Variants in B3GALNT2 observed in about 807,000 individuals in gnomAD.
B3GALNT2 encodes the protein beta-1,3-N-acetylgalactosaminyltransferase 2, also known as UDP-GalNAc:beta-1,3-N-acetylgalactosaminyltransferase 2.
B3GALNT2 carries 53 observed loss-of-function variants against 61.1 expected under a neutral mutation model. That is an observed-to-expected ratio of 0.87 (90% CI 0.70 to 1.09). The LOEUF (loss-of-function observed/expected upper bound fraction) is 1.09, where lower values mean the gene tolerates loss of function less well. Ranked by LOEUF, B3GALNT2 falls within the 50% of genes least tolerant of loss-of-function variation. The probability of loss-of-function intolerance (pLI) is 0.00; values close to 1 mark genes in which losing one functional copy is unlikely to be tolerated. For missense variants in B3GALNT2, 544 were observed against 623.0 expected, an observed-to-expected ratio of 0.87 and a Z score of 1.35; for synonymous variants, 223 against 237.4, an observed-to-expected ratio of 0.94 and a Z score of 0.56.
At chr1:235,489,376 G>C in intron 2 of B3GALNT2, 108 bp from the exon 3 acceptor site, 2 of 1,485,118 alleles carry the variant, frequency 1.3e-6, no homozygotes, top group Non-Finnish European at 1.8e-6. Context: ...GTGTTTATGA[G>C]GATTAATTCT....
chr1:235,494,723 G>C lies in B3GALNT2; in HGVS notation c.218C>G (p.Thr73Ser), dbSNP rs372008334. The C allele has an allele frequency of 1.2e-6, 2 of 1,613,194 alleles. No homozygotes were observed. The highest frequency in any genetic ancestry group is 1.7e-5 in the Admixed American group (1 of 59,996). ...NHELRNVIRS[T>S]WMRHLLQHPT... ...ATGCTGTAGCAAATGTCTCATCCAG[G>C]TGCTTCTTATCACGTTTCGAAGTTC... Residue 73 changes from threonine (T) to serine (S), a missense_variant, in exon 2 of 12, where the codon ACC (threonine) becomes AGC (serine). Transcript: ENST00000366600.
intron 1 of B3GALNT2, among the ~76,000 whole-genome samples, chr1:235,497,083 C>A (rs931877530): frequency 1.3e-5 from 2 of 152,132 alleles, no homozygotes; most frequent in East Asian, 3.9e-4. Flanking sequence ...GGTAACACAT[C>A]AATTTTTTTT....
At chr1:235,471,722 G>A (rs1684016609) in intron 5 of B3GALNT2, among the ~76,000 whole-genome samples, 2 of 152,172 alleles carry the variant, frequency 1.3e-5, no homozygotes, top group African/African-American at 4.8e-5. Flanking sequence ...GAGTGCAATG[G>A]TGCGATCATG....
downstream of B3GALNT2, among the ~76,000 whole-genome samples, chr1:235,444,619 G>A (rs1682121077): frequency 1.3e-5 from 2 of 152,128 alleles, no homozygotes; most frequent in African/African-American, 2.4e-5. Context: ...TGCTAAGGCT[G>A]GCCTCAAACT....
downstream of B3GALNT2, among the ~76,000 whole-genome samples, chr1:235,443,282 G>A (rs1024258403): frequency 6.6e-6 from 1 of 152,000 alleles, no homozygotes; most frequent in Admixed American, 6.6e-5. Flanking sequence ...GCTCACGGCA[G>A]CCTCTGCTTC....
At chr1:235,477,299 CCACA>C (rs1433954953) in intron 5 of B3GALNT2, among the ~76,000 whole-genome samples, 2 of 152,146 alleles carry the variant, frequency 1.3e-5, no homozygotes, top group Non-Finnish European at 2.9e-5. Flanking sequence ...TGCTCTCTCT[CCACA>C]CACACTTTTC....
At position 235,479,844 on chromosome 1, in the gene B3GALNT2, T is replaced by C. The variant is rs560063473; in HGVS notation, c.651+210A>G. 3.5e-5 allele frequency: 21 copies of C among 594,200 alleles called. No homozygotes were observed. The East Asian group carries it at 7.0e-4, about 20-fold the overall frequency. The allele number at this position is 594,200 out of a possible 1,614,324, so 36.8% of individuals were successfully genotyped here. A position where few individuals can be genotyped will look rare whatever the true frequency, so the allele number is the denominator to read the frequency against. On this transcript the variant is annotated intron_variant, in intron 5 of 11. Coordinates refer to ENST00000366600, the MANE Select transcript of B3GALNT2 (RefSeq NM_152490.5). ...GAAACATGCAATGTTTTTCAAAAAG[T>C]GGTTTTGGAACCTCTGAGGCCTCAT... is the stretch of plus-strand genomic sequence containing the variant.
At chr1:235,459,453 TC>T (rs1683315620) in intron 7 of B3GALNT2, among the ~76,000 whole-genome samples, 1 of 152,024 alleles carries the variant, frequency 6.6e-6, no homozygotes, top group Non-Finnish European at 1.5e-5. Context: ...GGAGACCCCA[TC>T]TCTAAATAAA....
At chr1:235,446,830 G>A (rs751746640), downstream of B3GALNT2, among the ~76,000 whole-genome samples, 74 of 151,840 alleles carry the variant, frequency 4.9e-4, no homozygotes, top group Admixed American at 6.6e-4. Flanking sequence ...GACTAGAGGC[G>A]TACATCGCTA....
At position 235,504,375 on chromosome 1, in the gene B3GALNT2, CT is replaced by C. The variant is rs1199956938; in HGVS notation, c.-124del. On this transcript the variant is annotated 5_prime_UTR_variant, in exon 1 of 12. Coordinates refer to ENST00000366600, the MANE Select transcript of B3GALNT2 (RefSeq NM_152490.5). ...CACTCCGAGCACGCCCGCCCTCGCG[CT>C]CGGCGACGTCTGGGGGGCTCCTCGC... The C allele has an allele frequency of 2.7e-4, 312 of 1,152,298 alleles. 1 individual carries two copies. The highest frequency in any genetic ancestry group is 1.4e-3 in the East Asian group (41 of 29,166). The allele number at this position is 1,152,298 out of a possible 1,614,324, so 71.4% of individuals were successfully genotyped here.
intron 1 of B3GALNT2, among the ~76,000 whole-genome samples, chr1:235,501,264 A>G (rs1414383818): frequency 6.6e-6 from 1 of 152,204 alleles, no homozygotes; most frequent in African/African-American, 2.4e-5. Flanking sequence ...CCTCAGGTGT[A>G]CTGGATTTCA....
At chr1:235,460,593 A>G (rs1261723733) in intron 7 of B3GALNT2, among the ~76,000 whole-genome samples, 1 of 141,380 alleles carries the variant, frequency 7.1e-6, no homozygotes, top group Non-Finnish European at 1.5e-5. Context: ...TTTTTTTTTG[A>G]GACAGGGTCT....
chr1:235,440,075 A>G, the B3GALNT2 span, among the ~76,000 whole-genome samples: 14 of 152,124 alleles, frequency 9.2e-5, no homozygotes, highest in East Asian at 2.5e-3. Context: ...GGTTCACGCC[A>G]TTCTCCTGCC....
rs950189536 is a variant in B3GALNT2 at position 235,504,406 on chromosome 1, C to CCCGGCCCCGCTCCT, written c.-168_-155dup. 2 of 781,692 alleles carry CCCGGCCCCGCTCCT rather than the reference C, an allele frequency of 2.6e-6. No homozygotes were observed. The highest frequency in any genetic ancestry group is 2.4e-5 in the South Asian group (1 of 42,274). 48.4% of individuals were successfully genotyped at this position (781,692 alleles called of 1,614,324 possible). ...GACGTCTGGGGGGCTCCTCGCAGCT[C>CCCGGCCCCGCTCCT]CCGGCCCCGCTCCTCCGGTCCCTCA... On this transcript the variant is annotated 5_prime_UTR_variant, in exon 1 of 12. Coordinates refer to ENST00000366600, the MANE Select transcript of B3GALNT2 (RefSeq NM_152490.5).
chr1:235,476,078 A>C (rs1684263648), intron 5 of B3GALNT2, among the ~76,000 whole-genome samples: 1 of 152,246 alleles, frequency 6.6e-6, no homozygotes, highest in African/African-American at 2.4e-5. Flanking sequence ...AAGGGAGATA[A>C]AAAGCACAAG....
At chr1:235,478,106 G>A (rs1684370845) in intron 5 of B3GALNT2, among the ~76,000 whole-genome samples, 2 of 152,134 alleles carry the variant, frequency 1.3e-5, no homozygotes, top group Non-Finnish European at 2.9e-5. Context: ...CCAGGCTGGA[G>A]TGCAGTGTTG....
In B3GALNT2 at chr1:235,455,718, G is replaced by A. The variant is rs755568214; in HGVS notation, c.1026-34C>T. The A allele has an allele frequency of 3.3e-5, 52 of 1,588,842 alleles. No homozygotes were observed. In the African/African-American group the frequency reaches 3.7e-4, roughly 11 times the overall value. Reference sequence around the variant, plus strand: ...ACAAAAGGGATAAGAAAGTCAGTGCGACCAAACAAACAAACACCAATGCAG... The same window carrying A: ...ACAAAAGGGATAAGAAAGTCAGTGCAACCAAACAAACAAACACCAATGCAG... On this transcript the variant is annotated intron_variant, in intron 8 of 11. Transcript: ENST00000366600.
chr1:235,494,861 C>A lies in B3GALNT2; in HGVS notation c.113-33G>T, dbSNP rs751950141. On this transcript the variant is annotated intron_variant, in intron 1 of 11. Transcript: ENST00000366600. Reference sequence around the variant, plus strand: ...TAAGAACAATACATGAGAAATAAGTCATGTATCAATTACTATGAAGTTCAA... The same window carrying A: ...TAAGAACAATACATGAGAAATAAGTAATGTATCAATTACTATGAAGTTCAA... 3 of 1,541,678 alleles carry A rather than the reference C, an allele frequency of 1.9e-6. No individual in the cohort carries two copies. In the South Asian group the frequency reaches 3.5e-5, roughly 18 times the overall value.
chr1:235,465,481 G>C, intron 7 of B3GALNT2, 155 bp downstream of exon 7: 1 of 1,186,708 alleles, frequency 8.4e-7, no homozygotes, highest in Non-Finnish European at 1.1e-6. Context: ...AGAACTCTAA[G>C]AATACACTAA....
Sources: gnomAD v4.1 joint callset for allele counts (sites outside exome capture counted in the v4.1 genomes callset) on GRCh38, gnomAD v4.1.1 for gene constraint, MANE v1.5 for transcripts, NCBI Gene and HGNC (gene_info 2026-07-23, HGNC 2026-07-21) for gene names.